The following ZNF675 variants were observed in gnomAD, a reference collection of about 807,000 sequenced individuals.
ZNF675 encodes the protein zinc finger protein 675.
Under a neutral mutation model 56.1 loss-of-function variants are expected in ZNF675, and 36 were observed. The observed-to-expected ratio is 0.64, with a 90% confidence interval of 0.49 to 0.85. The LOEUF is 0.85. Among genes scored for constraint, ZNF675 ranks in the 40% least tolerant of loss-of-function variants. The pLI, the probability that ZNF675 is intolerant of heterozygous loss-of-function variation, is 0.00. For synonymous variants in ZNF675, 200 were observed against 218.9 expected (o/e 0.91, Z 0.76); for missense variants, 663 against 654.2 (o/e 1.01, Z -0.15).
chr19:23,662,179 G>T lies in ZNF675; in HGVS notation c.161C>A (p.Thr54Asn). The T allele has an allele frequency of 6.2e-7, 1 of 1,613,076 alleles. No individual in the cohort carries two copies. The highest frequency in any genetic ancestry group is 1.1e-5 in the South Asian group (1 of 90,880). Residue 54 changes from threonine to asparagine, a missense_variant, in exon 3 of 4, where the codon ACC (threonine) becomes AAC (asparagine). Thr to Asn is a moderately conservative substitution (Grantham distance 65, BLOSUM62 0). Coordinates refer to ENST00000359788, the MANE Select transcript of ZNF675 (RefSeq NM_138330.3). The stretch of plus-strand genomic sequence containing the variant: ...AGGCTCTTTTTCTTGCTCCAGACAG[G>T]TGATCAGGTCTTGCTTAGAGACAGC... ...GIAVSKQDLI[T>N]CLEQEKEPLT... is the part of the protein sequence containing the mutation.
intron 1 of ZNF675, among the ~76,000 whole-genome samples, chr19:23,666,797 T>C (rs1262630211): frequency 7.0e-6 from 1 of 142,100 alleles, no homozygotes; most frequent in Non-Finnish European, 1.5e-5. Context: ...TCTCTTTCTC[T>C]CTCTCTCCTC....
Position 23,687,125 on chromosome 19 carries a change from G to T in ZNF675, c.-92C>A. 1 of 1,511,048 alleles carries T rather than the reference G, an allele frequency of 6.6e-7. No individual in the cohort carries two copies. The highest frequency in any genetic ancestry group is 9.2e-7 in the Non-Finnish European group (1 of 1,089,534). The allele number at this position is 1,511,048 out of a possible 1,614,324, so 93.6% of individuals were successfully genotyped here. ...CACAGAGGCTGGACCTCTAGGAGCA[G>T]AGGACACAGAGCAATGAAAGCGAGA... On this transcript the variant is annotated 5_prime_UTR_variant, in exon 1 of 4. In the 5' UTR this introduces an upstream ATG that the reference lacks. Transcript: ENST00000359788.
intron 1 of ZNF675, among the ~76,000 whole-genome samples, chr19:23,673,236 T>C (rs1968248793): frequency 1.3e-5 from 2 of 152,348 alleles, no homozygotes; most frequent in African/African-American, 4.8e-5. Flanking sequence ...CAGCAGGTGT[T>C]ACCTGCACAT....
At chr19:23,665,412 T>TA (rs1968136492) in intron 1 of ZNF675, among the ~76,000 whole-genome samples, 1 of 151,948 alleles carries the variant, frequency 6.6e-6, no homozygotes, top group Non-Finnish European at 1.5e-5. Flanking sequence ...TTAATGGGCT[T>TA]AAAAAATACT....
Position 23,661,244 on chromosome 19 carries a change from C to G in ZNF675, c.226+870G>C, listed in dbSNP as rs977883810. On this transcript the variant is annotated intron_variant, in intron 3 of 3. Coordinates refer to ENST00000359788, the MANE Select transcript of ZNF675 (RefSeq NM_138330.3). Reference sequence around the variant, plus strand: ...AGCTTCTTTCTAGTTTTTATCTGACCTCCTGATCCGCCCACCTCAGCCTCC... The same window carrying G: ...AGCTTCTTTCTAGTTTTTATCTGACGTCCTGATCCGCCCACCTCAGCCTCC... Among the ~76,000 whole-genome samples the G allele has an allele frequency of 3.9e-5, 6 of 152,184 alleles. 1 individual carries two copies. The Middle Eastern group carries it at 0.01, about 259-fold the overall frequency.
chr19:23,683,653 C>T (rs1415744475), intron 1 of ZNF675, among the ~76,000 whole-genome samples: 1 of 152,066 alleles, frequency 6.6e-6, no homozygotes, highest in East Asian at 1.9e-4. Context: ...AACTCGTGAC[C>T]TCGTGATCTG....
chr19:23,681,933 A>G (rs901774928), intron 1 of ZNF675, among the ~76,000 whole-genome samples: 44 of 151,820 alleles, frequency 2.9e-4, no homozygotes, highest in Admixed American at 2.6e-3. Context: ...CCTGGTAAAG[A>G]GCTATGATTA....
At position 23,653,813 on chromosome 19, in the gene ZNF675, C is replaced by T. The variant is rs375706048; in HGVS notation, c.1120G>A (p.Gly374Ser). ...TTTGAGGATCGGTTAAAAGCTTTGCCGCATTCCTCACATTTGTAGGGTTGC... is the reference window on the plus strand; with the variant it reads ...TTTGAGGATCGGTTAAAAGCTTTGCTGCATTCCTCACATTTGTAGGGTTGC... ...GEQPYKCEECGKAFNRSSNLT... is the reference protein window; with the variant it reads ...GEQPYKCEECSKAFNRSSNLT... Residue 374 changes from glycine to serine, a missense_variant, in exon 4 of 4, where the codon GGC becomes AGC. Transcript: ENST00000359788. 6.2e-6 allele frequency: 10 copies of T among 1,613,550 alleles called. No individual in the cohort carries two copies. Among genetic ancestry groups the T allele is most frequent in the African/African-American group, 5.3e-5 (4 of 74,814 alleles).
At chr19:23,657,048 C>T (rs1967994943) in intron 3 of ZNF675, 1 of 152,088 alleles carries the variant, frequency 6.6e-6, no homozygotes, top group African/African-American at 2.4e-5. Flanking sequence ...AATCCTGCAC[C>T]ATCAATCTCC....
intron 1 of ZNF675, among the ~76,000 whole-genome samples, chr19:23,670,666 T>C (rs2144940121): frequency 6.6e-6 from 1 of 152,104 alleles, no homozygotes; most frequent in Non-Finnish European, 1.5e-5. Flanking sequence ...CCTCTTAGGG[T>C]AGCAGGAGCT....
chr19:23,678,338 A>G (rs1204007919), intron 1 of ZNF675, among the ~76,000 whole-genome samples: 1 of 150,206 alleles, frequency 6.7e-6, no homozygotes, highest in Admixed American at 6.6e-5. Context: ...GATCACTGCA[A>G]CCTCCACATC....
At chr19:23,655,929 C>T (rs11673262) in intron 3 of ZNF675, 147,869 of 152,212 alleles carry the variant, frequency 0.97, 71,989 homozygotes, top group Middle Eastern at 1. Context: ...CCTGTTCCTA[C>T]AAATAATCAA....
intron 1 of ZNF675, among the ~76,000 whole-genome samples, chr19:23,675,831 C>A (rs1383429383): frequency 6.6e-6 from 1 of 150,954 alleles, no homozygotes. Context: ...TAGAAGAAAA[C>A]AACAAATAAC....
intron 1 of ZNF675, among the ~76,000 whole-genome samples, chr19:23,666,774 TTTTCTCTTTCTC>T (rs923115713): frequency 1.0e-5 from 1 of 98,844 alleles, no homozygotes; most frequent in African/African-American, 3.1e-5. Flanking sequence ...CTTTCTCTCT[TTTTCTCTTTCTC>T]TCTCTTTCTC....
At chr19:23,658,597 T>G (rs962820123) in intron 3 of ZNF675, 5 of 151,916 alleles carry the variant, frequency 3.3e-5, no homozygotes, top group African/African-American at 1.2e-4. Context: ...GGAGAATCAC[T>G]TGAACCTGGG....
At chr19:23,675,803 G>C (rs1400580203) in intron 1 of ZNF675, among the ~76,000 whole-genome samples, 2 of 151,194 alleles carry the variant, frequency 1.3e-5, no homozygotes, top group African/African-American at 4.9e-5. Flanking sequence ...AGAAGTGAGA[G>C]CAAATCAACC....
intron 1 of ZNF675, among the ~76,000 whole-genome samples, chr19:23,684,415 G>A (rs867442836): frequency 2.6e-5 from 4 of 151,982 alleles, no homozygotes; most frequent in African/African-American, 9.7e-5. Flanking sequence ...GAGGCCAAGA[G>A]GGGCGGATCA....
chr19:23,653,338 C>G lies in ZNF675; in HGVS notation c.1595G>C (p.Gly532Ala). The G allele has an allele frequency of 6.2e-7, 1 of 1,613,716 alleles. No homozygotes were observed. Among genetic ancestry groups the G allele is most frequent in the South Asian group, 1.1e-5 (1 of 91,076 alleles). ...TCTCTCACATTTATAGGGTTTCTCT[C>G]CAGTATGAATTATCTTATGTTCAGT... ...KLTEHKIIHT[G>A]EKPYKCERCD... The change falls in exon 4 of 4, where the codon GGA becomes GCA. Residue 532 changes from glycine (G) to alanine (A), a missense_variant. Coordinates refer to ENST00000359788, the MANE Select transcript of ZNF675 (RefSeq NM_138330.3).
intron 1 of ZNF675, among the ~76,000 whole-genome samples, chr19:23,668,482 C>T (rs1472073229): frequency 2.1e-5 from 1 of 48,564 alleles, no homozygotes; most frequent in South Asian, 1.2e-3. Flanking sequence ...GATCCCGCAC[C>T]GGGGCTGCAG....
Sources: gnomAD v4.1 joint callset for allele counts (sites outside exome capture counted in the v4.1 genomes callset) on GRCh38, gnomAD v4.1.1 for gene constraint, MANE v1.5 for transcripts, NCBI Gene and HGNC (gene_info 2026-07-23, HGNC 2026-07-21) for gene names.